The following MAP2 variants were observed in gnomAD, a reference collection of about 807,000 sequenced individuals.
MAP2 encodes microtubule-associated protein 2.
In MAP2, 14 loss-of-function variants were observed where a neutral mutation model predicts 137.6. The ratio of observed to expected loss-of-function variants is 0.10; its 90% CI spans 0.07 to 0.16. MAP2 has a LOEUF of 0.16. Ranked by LOEUF, MAP2 falls within the 10% of genes least tolerant of loss-of-function variation. The pLI is 1.00. For missense variants in MAP2, 2,088 were observed against 2,191.5 expected (o/e 0.95, Z 0.94); for synonymous variants, 786 against 782.3 (o/e 1.00, Z -0.08).
At chr2:209,655,048 A>G (rs901420803) in intron 5 of MAP2, among the ~76,000 whole-genome samples, 17 of 152,204 alleles carry the variant, frequency 1.1e-4, no homozygotes, top group Admixed American at 2.6e-4. Flanking sequence ...TCACTATTTC[A>G]TCTGTTCAGT....
At chr2:209,485,226 G>A (rs1308174711) in intron 1 of MAP2, among the ~76,000 whole-genome samples, 1 of 152,212 alleles carries the variant, frequency 6.6e-6, no homozygotes, top group Admixed American at 6.5e-5. Context: ...CCAGACTGCT[G>A]TCAAAGCTTA....
intron 5 of MAP2, among the ~76,000 whole-genome samples, chr2:209,658,511 C>CT (rs1460959460): frequency 1.6e-4 from 24 of 151,494 alleles, no homozygotes; most frequent in Admixed American, 6.6e-4. Context: ...ATTATTATTA[C>CT]TATTTTTTTT....
chr2:209,445,301 A>T (rs568927756), intron 1 of MAP2, among the ~76,000 whole-genome samples: 1 of 151,766 alleles, frequency 6.6e-6, no homozygotes, highest in Admixed American at 6.6e-5. Context: ...TTGTAAACTG[A>T]CTCCATGATA....
At chr2:209,477,031 TGA>T (rs1229296839) in intron 1 of MAP2, among the ~76,000 whole-genome samples, 1 of 152,142 alleles carries the variant, frequency 6.6e-6, no homozygotes, top group South Asian at 2.1e-4. Context: ...GACCATACTG[TGA>T]GAGGGCAGGC....
chr2:209,647,052 A>G (rs577658680), intron 4 of MAP2, among the ~76,000 whole-genome samples: 7 of 152,294 alleles, frequency 4.6e-5, no homozygotes, highest in African/African-American at 1.7e-4. Context: ...CCTTACAGTC[A>G]TGGTAGAAGG....
intron 1 of MAP2, among the ~76,000 whole-genome samples, chr2:209,489,607 T>C (rs993825041): frequency 6.6e-6 from 1 of 152,250 alleles, no homozygotes; most frequent in East Asian, 1.9e-4. Context: ...AATGACCTGA[T>C]GGAGCTGAAA....
chr2:209,544,313 A>G (rs1161028379), intron 2 of MAP2, among the ~76,000 whole-genome samples: 1 of 152,084 alleles, frequency 6.6e-6, no homozygotes, highest in African/African-American at 2.4e-5. Context: ...CTTCTAGCCC[A>G]GCAACATCGA....
intron 3 of MAP2, among the ~76,000 whole-genome samples, chr2:209,585,463 A>G (rs1322682585): frequency 6.6e-6 from 1 of 152,190 alleles, no homozygotes; most frequent in Non-Finnish European, 1.5e-5. Context: ...AGGAAATAAT[A>G]GTCACTCATA....
chr2:209,532,705 G>A (rs1559287369), intron 2 of MAP2, among the ~76,000 whole-genome samples: 1 of 152,104 alleles, frequency 6.6e-6, no homozygotes, highest in Non-Finnish European at 1.5e-5. Flanking sequence ...TTTAAAGCTG[G>A]CCTCTTAGAA....
chr2:209,531,743 T>C (rs1167596994), intron 2 of MAP2, among the ~76,000 whole-genome samples: 1 of 152,196 alleles, frequency 6.6e-6, no homozygotes, highest in Non-Finnish European at 1.5e-5. Flanking sequence ...AATTCCTCTT[T>C]CTATTTTTAA....
At chr2:209,455,471 T>C (rs1701321998) in intron 1 of MAP2, among the ~76,000 whole-genome samples, 1 of 152,220 alleles carries the variant, frequency 6.6e-6, no homozygotes, top group African/African-American at 2.4e-5. Context: ...CTACTCATGA[T>C]AACCAGAGTG....
chr2:209,642,038 C>T lies in MAP2; in HGVS notation c.-29-11104C>T, dbSNP rs548383290. On this transcript the variant is annotated intron_variant, in intron 4 of 15. Transcript: ENST00000682079. ...GGATGTTGGGATTTGACTTCTCCTTCCAGATCTCTCTGGAAGTGTCTAATT... is the reference window on the plus strand; with the variant it reads ...GGATGTTGGGATTTGACTTCTCCTTTCAGATCTCTCTGGAAGTGTCTAATT... Among the ~76,000 whole-genome samples the T allele has an allele frequency of 3.0e-4, 45 of 152,270 alleles. No homozygotes were observed. In the South Asian group the frequency reaches 6.2e-3, roughly 21 times the overall value.
At chr2:209,503,458 T>G (rs2060642536) in intron 1 of MAP2, among the ~76,000 whole-genome samples, 1 of 152,132 alleles carries the variant, frequency 6.6e-6, no homozygotes, top group African/African-American at 2.4e-5. Flanking sequence ...GAGCTCTTGG[T>G]GTCATATTCA....
At chr2:209,606,491 A>G (rs1470977975) in intron 3 of MAP2, among the ~76,000 whole-genome samples, 1 of 151,996 alleles carries the variant, frequency 6.6e-6, no homozygotes, top group Non-Finnish European at 1.5e-5. Flanking sequence ...ACACCACTGT[A>G]CTCCAGCCTT....
intron 3 of MAP2, among the ~76,000 whole-genome samples, chr2:209,593,633 AAATATATATATATATATATAT>A (rs2079994507): frequency 1.6e-5 from 1 of 61,992 alleles, no homozygotes; most frequent in African/African-American, 7.2e-5. Flanking sequence ...AAAAAAAAAA[AAATATATATATATATATATAT>A]ATATATATAT....
intron 5 of MAP2, among the ~76,000 whole-genome samples, chr2:209,664,795 A>G (rs1288179244): frequency 6.6e-6 from 1 of 151,856 alleles, no homozygotes; most frequent in East Asian, 1.9e-4. Flanking sequence ...TCCCATCTCT[A>G]CTAAAAATAC....
chr2:209,571,578 C>A (rs991423616), intron 2 of MAP2, among the ~76,000 whole-genome samples: 2 of 151,908 alleles, frequency 1.3e-5, no homozygotes, highest in African/African-American at 2.4e-5. Context: ...TCCTTTCAAC[C>A]TCTTGAGAGC....
chr2:209,535,326 T>C (rs1294373966), intron 2 of MAP2, among the ~76,000 whole-genome samples: 1 of 152,236 alleles, frequency 6.6e-6, no homozygotes, highest in Non-Finnish European at 1.5e-5. Context: ...GCTTCCCTAC[T>C]TATCCTGGAC....
At chr2:209,425,202 A>T (rs919540250) in intron 1 of MAP2, among the ~76,000 whole-genome samples, 1 of 152,210 alleles carries the variant, frequency 6.6e-6, no homozygotes, top group South Asian at 2.1e-4. Context: ...GATTTTTGTC[A>T]GAAAATAAAA....
Sources: gnomAD v4.1 joint callset for allele counts (sites outside exome capture counted in the v4.1 genomes callset) on GRCh38, gnomAD v4.1.1 for gene constraint, MANE v1.5 for transcripts, NCBI Gene and HGNC (gene_info 2026-07-23, HGNC 2026-07-21) for gene names.